TRPM2: variants seen among roughly 807,000 people sequenced by gnomAD.
TRPM2 encodes transient receptor potential cation channel subfamily M member 2.
In TRPM2, 161 loss-of-function variants were observed where a neutral mutation model predicts 174.0. The observed-to-expected ratio is 0.93, with a 90% CI of 0.81 to 1.05. TRPM2 has a LOEUF of 1.05. Ranked by LOEUF, TRPM2 falls within the 50% of genes least tolerant of loss-of-function variation. TRPM2 has a pLI of 0.00. For synonymous variants in TRPM2, 954 were observed against 861.3 expected (o/e 1.11, Z -1.88); for missense variants, 2,057 against 2,038.0 (o/e 1.01, Z -0.18).
chr21:44,387,030 A>AAATAT (rs1417186719), intron 9 of TRPM2, among the ~76,000 whole-genome samples: 1 of 152,066 alleles, frequency 6.6e-6, no homozygotes, highest in Non-Finnish European at 1.5e-5. Context: ...TCTCTATAAA[A>AAATAT]AATATAAAAG....
In TRPM2 at chr21:44,427,124, C is replaced by T. The variant is rs539190091; in HGVS notation, c.3974+13C>T. 163 of 1,564,414 alleles carry T rather than the reference C, an allele frequency of 1.0e-4. No individual in the cohort carries two copies. Among genetic ancestry groups the T allele is most frequent in the Non-Finnish European group, 1.4e-4 (160 of 1,153,636 alleles). On this transcript the variant is annotated intron_variant, in intron 27 of 31. Coordinates refer to ENST00000397928, the MANE Select transcript of TRPM2 (RefSeq NM_003307.4). ...CCGGGTTGCCCCTGTGAGTGTGCCC[C>T]CTGCGGGCCCCGCCCCGTCAGCCTT...
In TRPM2 at chr21:44,423,711, G is replaced by A. The variant is rs1740538055; in HGVS notation, c.3528G>A (p.Arg1176=). The change falls in exon 23 of 32, where the codon AGG becomes AGA. Residue 1176 remains arginine, a synonymous_variant. Transcript: ENST00000397928. ...AGAGGTCGGGCTCCATGGAGCAGAGGTTGGCCTCCCTGGAGGAGCAGGTGG... is the reference window on the plus strand; with the variant it reads ...AGAGGTCGGGCTCCATGGAGCAGAGATTGGCCTCCCTGGAGGAGCAGGTGG... ...PLKRSGSMEQ[R]LASLEEQVAQ... is the part of the protein sequence containing the mutation. 6.2e-7 allele frequency: 1 copy of A among 1,610,540 alleles called. No individual in the cohort carries two copies. Among genetic ancestry groups the A allele is most frequent in the Middle Eastern group, 1.7e-4 (1 of 6,024 alleles).
rs144362148 is a variant in TRPM2, at chr21:44,405,289, C to CCT, written c.2657+29_2657+30insCT. On this transcript the variant is annotated intron_variant, in intron 17 of 31. Coordinates refer to ENST00000397928, the MANE Select transcript of TRPM2 (RefSeq NM_003307.4). ...AGTGGCCTCACCCCGATGGCGGGCC[C>CCT]GTCTGAGGCAGCCAGCCCTGCAGGG... The CCT allele has an allele frequency of 0.011, 17,240 of 1,610,140 alleles. 752 individuals carry two copies. The African/African-American group carries it at 0.12, about 11-fold the overall frequency.
chr21:44,387,096 G>A (rs2049037713), intron 9 of TRPM2, among the ~76,000 whole-genome samples: 1 of 152,050 alleles, frequency 6.6e-6, no homozygotes, highest in Non-Finnish European at 1.5e-5. Flanking sequence ...TGAGGGGAGA[G>A]GATCACTTGA....
intron 2 of TRPM2, among the ~76,000 whole-genome samples, chr21:44,357,521 G>C (rs894745579): frequency 3.3e-5 from 5 of 152,352 alleles, no homozygotes; most frequent in Admixed American, 2.6e-4. Context: ...AGGGCAGGCT[G>C]CTGCGGCTCT....
intron 28 of TRPM2, among the ~76,000 whole-genome samples, chr21:44,436,715 C>G (rs1471152623): frequency 1.3e-5 from 2 of 151,668 alleles, no homozygotes; most frequent in African/African-American, 4.9e-5. Flanking sequence ...CTCAGCACCC[C>G]ACATCACCTC....
intron 28 of TRPM2, among the ~76,000 whole-genome samples, chr21:44,435,843 A>C (rs1227196811): frequency 9.0e-6 from 1 of 110,936 alleles, no homozygotes; most frequent in Non-Finnish European, 1.9e-5. Flanking sequence ...CCCCACACTC[A>C]CCCCTCAGAC....
chr21:44,404,952 A>T (rs112592614), intron 16 of TRPM2, among the ~76,000 whole-genome samples, 190 bp from the exon 17 acceptor site: 4 of 134,662 alleles, frequency 3.0e-5, no homozygotes, highest in Admixed American at 7.7e-5. Context: ...TGATAGTGAC[A>T]GTGACTGTGA....
At chr21:44,385,886 C>T (rs1197323128) in intron 9 of TRPM2, among the ~76,000 whole-genome samples, 1 of 152,218 alleles carries the variant, frequency 6.6e-6, no homozygotes, top group Admixed American at 6.5e-5. Context: ...ATAGGGGAAA[C>T]TGTCCCCACA....
At chr21:44,377,810 C>T (rs374223135) in intron 7 of TRPM2, 37 bp downstream of exon 7, 5 of 1,611,234 alleles carry the variant, frequency 3.1e-6, no homozygotes, top group South Asian at 1.1e-5. Context: ...ATGTGTGGGC[C>T]CGTCCTGCTG....
At chr21:44,437,315 G>C (rs748630307) in intron 29 of TRPM2, 148 bp downstream of exon 29, 1 of 657,344 alleles carries the variant, frequency 1.5e-6, no homozygotes, top group Non-Finnish European at 2.6e-6. Flanking sequence ...CGCCTGTTTT[G>C]TCTGTAGAAG....
At chr21:44,398,480 C>T (rs530806240) in intron 13 of TRPM2, among the ~76,000 whole-genome samples, 150 of 152,218 alleles carry the variant, frequency 9.9e-4, no homozygotes, top group African/African-American at 3.6e-3. Context: ...GGATTACAGG[C>T]GTGAACCACC....
intron 2 of TRPM2, among the ~76,000 whole-genome samples, chr21:44,362,684 C>T (rs1408538409): frequency 1.3e-5 from 2 of 152,090 alleles, no homozygotes; most frequent in South Asian, 4.1e-4. Flanking sequence ...AGAGAATGTC[C>T]TTTAGCCATT....
At chr21:44,406,800 C>A in intron 19 of TRPM2, 35 bp downstream of exon 19, 1 of 1,572,250 alleles carries the variant, frequency 6.4e-7, no homozygotes, top group African/African-American at 1.4e-5. Flanking sequence ...TCGGGTGGTG[C>A]TGCCGGGAAG....
At chr21:44,378,500 C>T (rs550250126) in intron 7 of TRPM2, among the ~76,000 whole-genome samples, 2 of 152,278 alleles carry the variant, frequency 1.3e-5, no homozygotes, top group South Asian at 4.1e-4. Context: ...GTACCCTTCA[C>T]GGCTCTTCTG....
At chr21:44,413,137 C>T (rs1214115426) in intron 19 of TRPM2, among the ~76,000 whole-genome samples, 2 of 151,786 alleles carry the variant, frequency 1.3e-5, no homozygotes, top group Non-Finnish European at 2.9e-5. Context: ...TTTCACTTGT[C>T]GATACATTGC....
rs913330606 is a variant in TRPM2 at position 44,376,378 on chromosome 21, C to A, written c.952+365C>A. Among the ~76,000 whole-genome samples the A allele has an allele frequency of 2.0e-5, 3 of 152,174 alleles. No homozygotes were observed. The highest frequency in any genetic ancestry group is 4.4e-5 in the Non-Finnish European group (3 of 68,030). On this transcript the variant is annotated intron_variant, in intron 6 of 31. Coordinates refer to ENST00000397928, the MANE Select transcript of TRPM2 (RefSeq NM_003307.4). The surrounding 1 kb of genome is among the most constrained non-coding windows in gnomAD (Gnocchi z 4.2). ...GGCGGTCTGGGGGGCTGGCAGCTCA[C>A]CTGTGTGCTCGCAGGTAATGGGCCA...
At chr21:44,407,997 G>C (rs1031661569) in intron 19 of TRPM2, among the ~76,000 whole-genome samples, 2 of 151,616 alleles carry the variant, frequency 1.3e-5, no homozygotes, top group African/African-American at 4.9e-5. Context: ...TCAGGCCAAA[G>C]TGCAGTGGCA....
intron 18 of TRPM2, among the ~76,000 whole-genome samples, 153 bp from the exon 19 acceptor site, chr21:44,406,441 G>A (rs916722576): frequency 1.3e-5 from 2 of 152,126 alleles, no homozygotes; most frequent in African/African-American, 4.8e-5. Context: ...ACGAGGGTGT[G>A]GGGGCAGCCC....
Sources: gnomAD v4.1 joint callset for allele counts (sites outside exome capture counted in the v4.1 genomes callset) on GRCh38, gnomAD v4.1.1 for gene constraint, Gnocchi (gnomAD v3.1) non-coding constraint, MANE v1.5 for transcripts, NCBI Gene and HGNC (gene_info 2026-07-23, HGNC 2026-07-21) for gene names.